The following HCN1 variants were observed in gnomAD, a reference collection of about 807,000 sequenced individuals.
HCN1 encodes the protein potassium/sodium hyperpolarization-activated cyclic nucleotide-gated channel 1.
HCN1 carries 13 observed loss-of-function variants against 78.9 expected under a neutral mutation model. That is an observed-to-expected ratio of 0.16 (90% CI 0.11 to 0.26). The LOEUF (loss-of-function observed/expected upper bound fraction) is 0.26. Among genes scored for constraint, HCN1 ranks in the 10% least tolerant of loss-of-function variants. The pLI is 1.00. For missense variants in HCN1, 810 were observed against 1,154.3 expected (o/e 0.70, Z 4.32); for synonymous variants, 552 against 455.5 (o/e 1.21, Z -2.70).
chr5:45,570,339 T>C lies in HCN1; in HGVS notation c.849+74846A>G, dbSNP rs140226259. Among the ~76,000 whole-genome samples the C allele has an allele frequency of 5.0e-3, 758 of 152,228 alleles. 3 individuals carry two copies. Among genetic ancestry groups the C allele is most frequent in the Non-Finnish European group, 8.1e-3 (549 of 67,990 alleles). On this transcript the variant is annotated intron_variant, in intron 2 of 7. Transcript: ENST00000303230. Reference sequence around the variant, plus strand: ...ACACATTTTTCTAGAGTAGATATCATCTGGAACATGGAATCTACTGACACA... The same window carrying C: ...ACACATTTTTCTAGAGTAGATATCACCTGGAACATGGAATCTACTGACACA...
chr5:45,279,994 A>ATAAT lies in HCN1; in HGVS notation c.1619-12745_1619-12742dup, dbSNP rs567416105. Among the ~76,000 whole-genome samples, 408 of 152,210 alleles carry ATAAT rather than the reference A, an allele frequency of 2.7e-3. 1 individual carries two copies. Among genetic ancestry groups the ATAAT allele is most frequent in the African/African-American group, 9.3e-3 (387 of 41,560 alleles). ...ATCCTCTAGAACTATAACACTTAAA[A>ATAAT]TAATTAAAAATAAGCTTTGAAACAT... On this transcript the variant is annotated intron_variant, in intron 6 of 7. Transcript: ENST00000303230.
At chr5:45,329,111 T>C (rs1476232810) in intron 5 of HCN1, among the ~76,000 whole-genome samples, 1 of 151,578 alleles carries the variant, frequency 6.6e-6, no homozygotes, top group Non-Finnish European at 1.5e-5. Context: ...TTCAAAAAAC[T>C]GTTTAAATAT....
chr5:45,678,127 T>C (rs542170521), intron 1 of HCN1, among the ~76,000 whole-genome samples: 7 of 151,846 alleles, frequency 4.6e-5, no homozygotes, highest in Non-Finnish European at 8.8e-5. Flanking sequence ...CTCGGATTAT[T>C]TACATAGCTC....
At chr5:45,426,868 T>C (rs1740361645) in intron 3 of HCN1, among the ~76,000 whole-genome samples, 1 of 152,186 alleles carries the variant, frequency 6.6e-6, no homozygotes, top group Non-Finnish European at 1.5e-5. Flanking sequence ...AACTATAGTG[T>C]AGACAAAAGT....
At chr5:45,318,217 A>T (rs1220344005) in intron 5 of HCN1, among the ~76,000 whole-genome samples, 1 of 152,198 alleles carries the variant, frequency 6.6e-6, no homozygotes, top group Admixed American at 6.6e-5. Flanking sequence ...CATATACACC[A>T]TGGAATACTA....
intron 6 of HCN1, among the ~76,000 whole-genome samples, chr5:45,287,925 G>C (rs1416227929): frequency 1.3e-5 from 2 of 152,006 alleles, no homozygotes; most frequent in African/African-American, 2.4e-5. Context: ...TCATGGCACA[G>C]ACTGTGCCAG....
intron 2 of HCN1, among the ~76,000 whole-genome samples, chr5:45,600,020 G>A (rs978182827): frequency 1.3e-5 from 2 of 152,034 alleles, no homozygotes; most frequent in Non-Finnish European, 2.9e-5. Context: ...GGTTTCAGCA[G>A]GCTAAAGACT....
At position 45,523,379 on chromosome 5, in the gene HCN1, T is replaced by C. The variant is rs1330183217; in HGVS notation, c.850-61372A>G. Reference sequence around the variant, plus strand: ...AGTCCTTTGGGTATATACTCAGTAATGGGATGGCTGGGTCAAATGGTATTT... The same window carrying C: ...AGTCCTTTGGGTATATACTCAGTAACGGGATGGCTGGGTCAAATGGTATTT... On this transcript the variant is annotated intron_variant, in intron 2 of 7. Transcript: ENST00000303230. Among the ~76,000 whole-genome samples the C allele has an allele frequency of 4.6e-5, 7 of 152,164 alleles. No individual in the cohort carries two copies. In the East Asian group the frequency reaches 1.4e-3, roughly 29 times the overall value.
At chr5:45,321,030 T>G (rs1389413005) in intron 5 of HCN1, among the ~76,000 whole-genome samples, 1 of 151,842 alleles carries the variant, frequency 6.6e-6, no homozygotes, top group East Asian at 1.9e-4. Flanking sequence ...TACTGGGGGA[T>G]TCATGTCTTA....
chr5:45,688,918 AT>A (rs1484868114), intron 1 of HCN1, among the ~76,000 whole-genome samples: 2 of 152,228 alleles, frequency 1.3e-5, no homozygotes, highest in East Asian at 3.9e-4. Flanking sequence ...CTGATATAAA[AT>A]ATTCAGAATA....
intron 5 of HCN1, among the ~76,000 whole-genome samples, chr5:45,312,144 C>T (rs765481092): frequency 1.3e-5 from 2 of 152,192 alleles, no homozygotes; most frequent in Non-Finnish European, 2.9e-5. Flanking sequence ...TCTTCTAAAA[C>T]ATTCAAGCAC....
chr5:45,624,798 C>G (rs1420514732), intron 2 of HCN1, among the ~76,000 whole-genome samples: 1 of 151,482 alleles, frequency 6.6e-6, no homozygotes, highest in Non-Finnish European at 1.5e-5. Context: ...TGGAGGCAAG[C>G]AGGGATGTAG....
At chr5:45,351,453 G>C (rs1289183009) in intron 5 of HCN1, among the ~76,000 whole-genome samples, 1 of 110,804 alleles carries the variant, frequency 9.0e-6, no homozygotes, top group Non-Finnish European at 1.6e-5. Context: ...TACCATTCAG[G>C]ACATAGGCGT....
chr5:45,355,481 C>T (rs1037501772), intron 4 of HCN1, among the ~76,000 whole-genome samples: 8 of 151,954 alleles, frequency 5.3e-5, no homozygotes, highest in African/African-American at 1.2e-4. Flanking sequence ...ATTTCATAAT[C>T]GCTGCTATAT....
chr5:45,456,147 A>AT (rs1483419162), intron 3 of HCN1, among the ~76,000 whole-genome samples: 1 of 151,998 alleles, frequency 6.6e-6, no homozygotes, highest in East Asian at 1.9e-4. Flanking sequence ...TATGTAGAGA[A>AT]TTAGAGGCTT....
chr5:45,630,001 C>T (rs889957880), intron 2 of HCN1, among the ~76,000 whole-genome samples: 5 of 152,082 alleles, frequency 3.3e-5, no homozygotes, highest in African/African-American at 1.2e-4. Context: ...TTGATATACC[C>T]CAGAGGCTGC....
At chr5:45,288,040 T>C (rs188169998) in intron 6 of HCN1, among the ~76,000 whole-genome samples, 25 of 152,146 alleles carry the variant, frequency 1.6e-4, no homozygotes, top group Non-Finnish European at 3.1e-4. Context: ...TTGGAGATAT[T>C]CTTGGGGAAG....
chr5:45,452,167 A>G lies in HCN1; in HGVS notation c.1011+9679T>C, dbSNP rs567943307. On this transcript the variant is annotated intron_variant, in intron 3 of 7. Transcript: ENST00000303230. Reference sequence around the variant, plus strand: ...TTACCAAGCTTATGCATGAGAATAAATGATAACAGTCCACAGCTAGGTGTG... The same window carrying G: ...TTACCAAGCTTATGCATGAGAATAAGTGATAACAGTCCACAGCTAGGTGTG... Among the ~76,000 whole-genome samples the G allele has an allele frequency of 5.3e-5, 8 of 152,128 alleles. No individual in the cohort carries two copies. In the East Asian group the frequency reaches 1.2e-3, roughly 22 times the overall value.
At chr5:45,367,604 A>G (rs893092511) in intron 4 of HCN1, among the ~76,000 whole-genome samples, 1 of 151,906 alleles carries the variant, frequency 6.6e-6, no homozygotes, top group African/African-American at 2.4e-5. Flanking sequence ...AACTTTCTCA[A>G]CTTGGCTAGT....
Sources: gnomAD v4.1 joint callset for allele counts (sites outside exome capture counted in the v4.1 genomes callset) on GRCh38, gnomAD v4.1.1 for gene constraint, MANE v1.5 for transcripts, NCBI Gene and HGNC (gene_info 2026-07-23, HGNC 2026-07-21) for gene names.